Variants in CDH13 observed in about 807,000 individuals in gnomAD.
CDH13 encodes cadherin-13.
A neutral mutation model predicts 63.8 loss-of-function variants in CDH13; 24 were observed. The ratio of observed to expected loss-of-function variants is 0.38; its 90% CI spans 0.27 to 0.53. The LOEUF (loss-of-function observed/expected upper bound fraction) is 0.53. Among genes scored for constraint, CDH13 ranks in the 20% least tolerant of loss-of-function variants. The pLI, the probability that CDH13 is intolerant of heterozygous loss-of-function variation, is 0.85. For missense variants in CDH13, 1,049 were observed against 903.1 expected, an observed-to-expected ratio of 1.16 and a Z score of -2.07; for synonymous variants, 503 against 355.3, an observed-to-expected ratio of 1.42 and a Z score of -4.67.
intron 8 of CDH13, among the ~76,000 whole-genome samples, chr16:83,663,087 G>A (rs1913590500): frequency 6.6e-6 from 1 of 152,160 alleles, no homozygotes; most frequent in Non-Finnish European, 1.5e-5. Flanking sequence ...TTGCACAAAT[G>A]CTGGGAAACC....
chr16:83,002,356 C>A (rs1473969323), intron 2 of CDH13, among the ~76,000 whole-genome samples: 1 of 152,286 alleles, frequency 6.6e-6, no homozygotes, highest in South Asian at 2.1e-4. Context: ...CAAGAAACAC[C>A]TGGAGCCACA....
rs147397531 is a variant in CDH13, at chr16:83,051,588, A to G, written c.366+19370A>G. 7.9e-4 allele frequency among the ~76,000 whole-genome samples: 121 copies of G among 152,364 alleles called. No homozygotes were observed. The East Asian group carries it at 0.02, about 25-fold the overall frequency. On this transcript the variant is annotated intron_variant, in intron 3 of 13. Coordinates refer to ENST00000567109, the MANE Select transcript of CDH13 (RefSeq NM_001257.5). The stretch of plus-strand genomic sequence containing the variant: ...AGATTTGCAAATTCCATAATTTACA[A>G]TGATTGCATGTGGGTGGCTCTGTTA...
intron 1 of CDH13, among the ~76,000 whole-genome samples, chr16:82,836,212 G>C: frequency 1.3e-5 from 2 of 152,154 alleles, no homozygotes; most frequent in Admixed American, 1.3e-4. Context: ...GCAGTGGCGC[G>C]ATCTCGGCTC....
At chr16:82,676,773 A>C (rs1186031409) in intron 1 of CDH13, among the ~76,000 whole-genome samples, 1 of 151,806 alleles carries the variant, frequency 6.6e-6, no homozygotes, top group East Asian at 1.9e-4. Context: ...CTTTCATGCC[A>C]CTCTACACTT....
intron 3 of CDH13, among the ~76,000 whole-genome samples, chr16:83,097,456 T>A (rs1453233689): frequency 6.6e-6 from 1 of 152,220 alleles, no homozygotes; most frequent in East Asian, 1.9e-4. Flanking sequence ...AGTGTGCATA[T>A]GATCAAAGTC....
chr16:83,102,906 A>C, intron 3 of CDH13, among the ~76,000 whole-genome samples: 1 of 95,142 alleles, frequency 1.1e-5, no homozygotes, highest in African/African-American at 4.7e-5. Context: ...TGCTAATTAA[A>C]CTTTCTTTTT....
rs1253904803 is a variant in CDH13 at position 82,997,024 on chromosome 16, T to C, written c.158-34986T>C. 8.8e-5 allele frequency among the ~76,000 whole-genome samples: 13 copies of C among 148,378 alleles called. 1 individual carries two copies. Among genetic ancestry groups the C allele is most frequent in the Non-Finnish European group, 1.6e-4 (11 of 67,452 alleles). On this transcript the variant is annotated intron_variant, in intron 2 of 13. Coordinates refer to ENST00000567109, the MANE Select transcript of CDH13 (RefSeq NM_001257.5). The stretch of plus-strand genomic sequence containing the variant: ...ATGATAGTGATGGTGATGGTGATGA[T>C]GGTGATGGTGGTGATGATGATGATG...
At chr16:82,791,360 A>G (rs1324382566) in intron 1 of CDH13, among the ~76,000 whole-genome samples, 1 of 152,214 alleles carries the variant, frequency 6.6e-6, no homozygotes, top group Non-Finnish European at 1.5e-5. Flanking sequence ...AGGGTTCACT[A>G]AAATACAAAT....
chr16:82,970,263 C>G (rs1057247265), intron 2 of CDH13, among the ~76,000 whole-genome samples: 1 of 151,804 alleles, frequency 6.6e-6, no homozygotes, highest in Admixed American at 6.6e-5. Context: ...GGAACTCATC[C>G]TTTTTTATGG....
chr16:83,733,474 CA>C (rs1911237103), intron 10 of CDH13, among the ~76,000 whole-genome samples: 1 of 152,196 alleles, frequency 6.6e-6, no homozygotes, highest in African/African-American at 2.4e-5. Flanking sequence ...AAGCTAAGCA[CA>C]GCTGCCTCTA....
At chr16:82,634,768 A>G (rs143511295) in intron 1 of CDH13, among the ~76,000 whole-genome samples, 1,586 of 152,308 alleles carry the variant, frequency 0.01, 87 homozygotes, top group Admixed American at 0.084. Context: ...CTTCTCAAAT[A>G]AGAGGGGCCT....
At chr16:82,797,656 A>C (rs1363931356) in intron 1 of CDH13, among the ~76,000 whole-genome samples, 1 of 152,128 alleles carries the variant, frequency 6.6e-6, no homozygotes, top group African/African-American at 2.4e-5. Context: ...AGGAAAAAAA[A>C]ATTTAGATTC....
At chr16:82,955,437 T>A (rs909955828) in intron 2 of CDH13, among the ~76,000 whole-genome samples, 2 of 152,228 alleles carry the variant, frequency 1.3e-5, no homozygotes, top group Non-Finnish European at 2.9e-5. Context: ...TTTAGCTTCA[T>A]AATTATCCAT....
At position 83,055,344 on chromosome 16, in the gene CDH13, T is replaced by C. The variant is rs1049506457; in HGVS notation, c.366+23126T>C. 4.0e-5 allele frequency among the ~76,000 whole-genome samples: 6 copies of C among 151,612 alleles called. No homozygotes were observed. In the South Asian group the frequency reaches 1.3e-3, roughly 32 times the overall value. ...AATAAAGTTTGTTCTTTGAAAGTTC[T>C]GTAACTTGATATCAATAGTCCCTAG... is the stretch of plus-strand genomic sequence containing the variant. On this transcript the variant is annotated intron_variant, in intron 3 of 13. Coordinates refer to ENST00000567109, the MANE Select transcript of CDH13 (RefSeq NM_001257.5).
chr16:83,014,420 T>C (rs913455112), intron 2 of CDH13, among the ~76,000 whole-genome samples: 3 of 150,752 alleles, frequency 2.0e-5, no homozygotes, highest in South Asian at 2.1e-4. Context: ...TACTTAAATA[T>C]ATGTATAAAA....
At chr16:83,459,361 A>G (rs1399828202) in intron 6 of CDH13, among the ~76,000 whole-genome samples, 1 of 152,220 alleles carries the variant, frequency 6.6e-6, no homozygotes, top group East Asian at 1.9e-4. Flanking sequence ...TCGGACAGAA[A>G]CACATGACTA....
chr16:83,773,270 A>T (rs1914878167), intron 11 of CDH13, among the ~76,000 whole-genome samples: 1 of 152,244 alleles, frequency 6.6e-6, no homozygotes, highest in Non-Finnish European at 1.5e-5. Flanking sequence ...AAATGCTTCA[A>T]GAAAAGAGAA....
chr16:83,760,322 T>C (rs557236385), intron 11 of CDH13, among the ~76,000 whole-genome samples: 43 of 152,320 alleles, frequency 2.8e-4, no homozygotes, highest in African/African-American at 9.6e-4. Context: ...AACATACATA[T>C]GCCCTATGTT....
At chr16:83,585,055 T>G (rs1167797778) in intron 7 of CDH13, among the ~76,000 whole-genome samples, 2 of 152,058 alleles carry the variant, frequency 1.3e-5, no homozygotes, top group Non-Finnish European at 2.9e-5. Flanking sequence ...AACATGAGAT[T>G]TGGTGGGGAC....
Sources: gnomAD v4.1 joint callset for allele counts (sites outside exome capture counted in the v4.1 genomes callset) on GRCh38, gnomAD v4.1.1 for gene constraint, MANE v1.5 for transcripts, NCBI Gene and HGNC (gene_info 2026-07-23, HGNC 2026-07-21) for gene names.